Variants in CREBBP observed in about 807,000 individuals in gnomAD.
CREBBP encodes the protein CREB binding lysine acetyltransferase.
Under a neutral mutation model 265.0 loss-of-function variants are expected in CREBBP, and 19 were observed. The observed-to-expected ratio is 0.07, with a 90% CI of 0.05 to 0.11. CREBBP has a LOEUF of 0.11. Ranked by LOEUF, CREBBP falls within the 10% of genes least tolerant of loss-of-function variation. The pLI is 1.00. For synonymous variants in CREBBP, 1,457 were observed against 1,223.7 expected (o/e 1.19, Z -3.98); for missense variants, 2,525 against 3,219.0 (o/e 0.78, Z 5.22).
chr16:3,814,307 T>C (rs1227099528), intron 2 of CREBBP, among the ~76,000 whole-genome samples: 1 of 150,248 alleles, frequency 6.7e-6, no homozygotes, highest in Non-Finnish European at 1.5e-5. Context: ...TAGGCTGGAA[T>C]GCAGTGGCAT....
At chr16:3,802,406 A>G (rs1011926840) in intron 3 of CREBBP, among the ~76,000 whole-genome samples, 2 of 152,040 alleles carry the variant, frequency 1.3e-5, no homozygotes, top group African/African-American at 4.8e-5. Context: ...TGCTGGGATT[A>G]CAGGAGTGAG....
Position 3,757,934 on chromosome 16 carries a change from T to G in CREBBP, c.3484A>C (p.Asn1162His). The change falls in exon 18 of 31, where the codon AAC (asparagine) becomes CAC (histidine). Residue 1162 changes from asparagine to histidine, a missense_variant. Physicochemically the swap from Asn to His is moderately conservative, Grantham distance 68. Coordinates refer to ENST00000262367, the MANE Select transcript of CREBBP (RefSeq NM_004380.3). ...QYVDDVWLMFNNAWLYNRKTS... is the reference protein window; with the variant it reads ...QYVDDVWLMFHNAWLYNRKTS... ...TTGCGATTATAGAGCCAGGCATTGT[T>G]GAACATGAGCCAGACGTCGTCCACG... The G allele has an allele frequency of 6.2e-7, 1 of 1,614,080 alleles. No individual in the cohort carries two copies. Among genetic ancestry groups the G allele is most frequent in the Non-Finnish European group, 8.5e-7 (1 of 1,180,024 alleles).
intron 2 of CREBBP, among the ~76,000 whole-genome samples, chr16:3,815,875 GCAAATA>G (rs562470667): frequency 1.5e-3 from 235 of 151,928 alleles, no homozygotes; most frequent in African/African-American, 5.6e-3. Flanking sequence ...TGTTGTGCTA[GCAAATA>G]CAAAGTCTTA....
intron 3 of CREBBP, among the ~76,000 whole-genome samples, chr16:3,804,159 C>G (rs2053782049): frequency 6.6e-6 from 1 of 151,924 alleles, no homozygotes; most frequent in Admixed American, 6.6e-5. Flanking sequence ...ATAGAAGGCA[C>G]CAGATCTATT....
At chr16:3,765,357 G>A (rs1338149503) in intron 16 of CREBBP, among the ~76,000 whole-genome samples, 1 of 152,198 alleles carries the variant, frequency 6.6e-6, no homozygotes, top group Non-Finnish European at 1.5e-5. Context: ...CGCTGCATAG[G>A]CACAGTGGCC....
At position 3,726,263 on chromosome 16, in the gene CREBBP, C is replaced by T. The variant is rs541345097; in HGVS notation, c.*1455G>A. 46 of 232,884 alleles carry T rather than the reference C, an allele frequency of 2.0e-4. No homozygotes were observed. The South Asian group carries it at 6.0e-3, about 30-fold the overall frequency. The allele number at this position is 232,884 out of a possible 1,614,324, so 14.4% of individuals were successfully genotyped here. A position where few individuals can be genotyped will look rare whatever the true frequency, so the allele number is the denominator to read the frequency against. ...ACGGGGGGGGGGAGCCGCCTGAACA[C>T]GGGAAGAAGCGCCGCCTCTGGGGGT... On this transcript the variant is annotated 3_prime_UTR_variant, in exon 31 of 31. Coordinates refer to ENST00000262367, the MANE Select transcript of CREBBP (RefSeq NM_004380.3).
chr16:3,749,486 T>A, intron 21 of CREBBP, 141 bp downstream of exon 21: 1 of 631,812 alleles, frequency 1.6e-6, no homozygotes, highest in South Asian at 1.9e-5. Context: ...GAAATCTATA[T>A]CTAAAAGATA....
rs528494861 is a variant in CREBBP, at chr16:3,767,598, G to A, written c.3250+122C>T. On this transcript the variant is annotated intron_variant, in intron 16 of 30. Coordinates refer to ENST00000262367, the MANE Select transcript of CREBBP (RefSeq NM_004380.3). ...GCAGGGGAAAGTCTGGGGAATGGCA[G>A]GCAAGAAAGGTAAAAGGGCAGATAG... is the stretch of plus-strand genomic sequence containing the variant. The A allele has an allele frequency of 8.2e-6, 11 of 1,341,386 alleles. No individual in the cohort carries two copies. In the African/African-American group the frequency reaches 1.4e-4, roughly 18 times the overall value. 83.1% of individuals were successfully genotyped at this position (1,341,386 alleles called of 1,614,324 possible). A position where few individuals can be genotyped will look rare whatever the true frequency, so the allele number is the denominator to read the frequency against.
At chr16:3,748,508 C>T (rs1392932026) in intron 21 of CREBBP, among the ~76,000 whole-genome samples, 1 of 152,174 alleles carries the variant, frequency 6.6e-6, no homozygotes, top group East Asian at 1.9e-4. Context: ...AGTAACCTGC[C>T]AAAAGTCAAG....
At chr16:3,860,932 G>A (rs532648535) in intron 1 of CREBBP, among the ~76,000 whole-genome samples, 1 of 152,194 alleles carries the variant, frequency 6.6e-6, no homozygotes, top group South Asian at 2.1e-4. Flanking sequence ...TCAGATCACA[G>A]CTGTCACCAC....
chr16:3,745,509 C>T, intron 21 of CREBBP, 155 bp from the exon 22 acceptor site: 1 of 707,830 alleles, frequency 1.4e-6, no homozygotes, highest in Non-Finnish European at 2.6e-6. Context: ...CTATATTTTA[C>T]AATGCATCCG....
At chr16:3,788,787 A>G (rs1031000642) in intron 5 of CREBBP, among the ~76,000 whole-genome samples, 2 of 152,200 alleles carry the variant, frequency 1.3e-5, no homozygotes, top group Non-Finnish European at 2.9e-5. Context: ...CCCCATCTCT[A>G]CAAAAAATAC....
intron 1 of CREBBP, among the ~76,000 whole-genome samples, chr16:3,871,817 A>C (rs1348751093): frequency 6.6e-6 from 1 of 152,224 alleles, no homozygotes; most frequent in Admixed American, 6.5e-5. Context: ...CAGATTATGC[A>C]AATTCGAAAG....
intron 28 of CREBBP, among the ~76,000 whole-genome samples, chr16:3,733,391 C>A (rs867709366): frequency 2.0e-5 from 3 of 151,658 alleles, no homozygotes; most frequent in South Asian, 4.2e-4. Context: ...TCCCACCCCA[C>A]CGACAAGCAG....
Position 3,757,803 on chromosome 16 carries a change from CTG to C in CREBBP, c.3609+4_3609+5del. On this transcript the variant is annotated splice_donor_5th_base_variant and intron_variant, in intron 18 of 30. Transcript: ENST00000262367. ...ATTCACTTTCCGGAAAAACTTAAAA[CTG>C]TACCTTGCGTCCACAGCAATATCCA... The C allele has an allele frequency of 1.9e-6, 3 of 1,614,050 alleles. No individual in the cohort carries two copies. Among genetic ancestry groups the C allele is most frequent in the Admixed American group, 1.7e-5 (1 of 60,028 alleles).
At chr16:3,851,803 G>A (rs1349651665) in intron 1 of CREBBP, among the ~76,000 whole-genome samples, 3 of 142,352 alleles carry the variant, frequency 2.1e-5, no homozygotes, top group Non-Finnish European at 4.5e-5. Context: ...GCAGTGAGCC[G>A]AGATTGCGCC....
intron 26 of CREBBP, among the ~76,000 whole-genome samples, chr16:3,737,476 G>A (rs1596807726): frequency 6.6e-6 from 1 of 151,406 alleles, no homozygotes; most frequent in Admixed American, 6.6e-5. Context: ...TTTGCGGGCG[G>A]GGGGCAGAGT....
chr16:3,870,079 A>AT (rs1403948134), intron 1 of CREBBP, among the ~76,000 whole-genome samples: 1 of 152,200 alleles, frequency 6.6e-6, no homozygotes, highest in Non-Finnish European at 1.5e-5. Flanking sequence ...TGTAAATCAG[A>AT]TTTAAGTAAA....
chr16:3,797,325 A>G (rs577258601), intron 3 of CREBBP, among the ~76,000 whole-genome samples: 2 of 152,268 alleles, frequency 1.3e-5, no homozygotes, highest in African/African-American at 4.8e-5. Context: ...CTATAAAGCT[A>G]ATTTCTTTAC....
Sources: allele counts gnomAD v4.1 joint callset (sites outside exome capture counted in the v4.1 genomes callset), GRCh38; gene constraint gnomAD v4.1.1; transcripts MANE v1.5; gene names NCBI Gene and HGNC (gene_info 2026-07-23, HGNC 2026-07-21).